Variants in ERICH3 observed in about 807,000 individuals in gnomAD.
ERICH3 encodes glutamate rich 3, also known as glutamate-rich protein 3.
Under a neutral mutation model 131.1 loss-of-function variants are expected in ERICH3, and 126 were observed. That is an observed-to-expected ratio of 0.96 (90% confidence interval 0.83 to 1.11). The LOEUF (loss-of-function observed/expected upper bound fraction) is 1.11, where lower values mean the gene tolerates loss of function less well. Ranked by LOEUF, ERICH3 falls within the 50% of genes most tolerant of loss-of-function variation. The probability of loss-of-function intolerance (pLI) is 0.00; values close to 1 mark genes in which losing one functional copy is unlikely to be tolerated. For missense variants in ERICH3, 2,050 were observed against 1,810.7 expected, an observed-to-expected ratio of 1.13 and a Z score of -2.40; for synonymous variants, 695 against 644.6, an observed-to-expected ratio of 1.08 and a Z score of -1.18.
At chr1:74,660,686 A>T (rs1207439985) in intron 1 of ERICH3, among the ~76,000 whole-genome samples, 1 of 148,684 alleles carries the variant, frequency 6.7e-6, no homozygotes, top group South Asian at 2.1e-4. Context: ...GTATATATAT[A>T]ATATATATAT....
Position 74,667,673 on chromosome 1 carries a change from G to A in ERICH3, c.23+5824C>T, listed in dbSNP as rs189941914. 1.8e-4 allele frequency among the ~76,000 whole-genome samples: 27 copies of A among 152,210 alleles called. 1 individual carries two copies. The East Asian group carries it at 4.6e-3, about 26-fold the overall frequency. On this transcript the variant is annotated intron_variant, in intron 1 of 14. Coordinates refer to ENST00000326665, the MANE Select transcript of ERICH3 (RefSeq NM_001002912.5). Reference sequence around the variant, plus strand: ...ATTTTCCCATCTCCCTAAAAACCTAGCATGGATTTATTAATAATCAAAATA... The same window carrying A: ...ATTTTCCCATCTCCCTAAAAACCTAACATGGATTTATTAATAATCAAAATA...
At chr1:74,667,928 G>A (rs77655852) in intron 1 of ERICH3, among the ~76,000 whole-genome samples, 11,821 of 152,126 alleles carry the variant, frequency 0.078, 1,588 homozygotes, top group African/African-American at 0.27. Context: ...CTGTTCTTGT[G>A]ACAGTGAGGG....
At chr1:74,609,812 A>G (rs1364465669) in intron 9 of ERICH3, among the ~76,000 whole-genome samples, 4 of 152,086 alleles carry the variant, frequency 2.6e-5, no homozygotes, top group African/African-American at 9.7e-5. Flanking sequence ...ATTCTTTAAT[A>G]TTGTAACCAT....
At chr1:74,616,179 A>T (rs1393748340) in intron 8 of ERICH3, among the ~76,000 whole-genome samples, 1 of 151,850 alleles carries the variant, frequency 6.6e-6, no homozygotes, top group Non-Finnish European at 1.5e-5. Context: ...ATATATATAC[A>T]CATATATATA....
chr1:74,657,734 G>A (rs1405363778), intron 1 of ERICH3, among the ~76,000 whole-genome samples: 2 of 152,116 alleles, frequency 1.3e-5, no homozygotes, highest in African/African-American at 4.8e-5. Context: ...ATGAGGCAAT[G>A]GGGAAGAAGT....
intron 8 of ERICH3, among the ~76,000 whole-genome samples, chr1:74,617,854 A>G (rs1056399322): frequency 1.3e-5 from 2 of 152,216 alleles, no homozygotes; most frequent in African/African-American, 4.8e-5. Context: ...TCACACCTCA[A>G]TAAAGCTATT....
chr1:74,641,505 C>T (rs200891184), intron 4 of ERICH3, 46 bp from the exon 5 acceptor site: 1 of 1,588,248 alleles, frequency 6.3e-7, no homozygotes, highest in South Asian at 1.1e-5. Flanking sequence ...AGTTAGTAAT[C>T]TAGGTTAGAT....
intron 1 of ERICH3, among the ~76,000 whole-genome samples, chr1:74,664,889 C>A (rs1646675041): frequency 1.3e-5 from 2 of 152,100 alleles, no homozygotes; most frequent in Admixed American, 1.3e-4. Context: ...TTATTTCTCC[C>A]CACTAAGTCT....
Position 74,631,854 on chromosome 1 carries a change from G to A in ERICH3, c.678C>T (p.Asn226=). The change falls in exon 7 of 15, where the codon AAC becomes AAT. Residue 226 remains asparagine (N), a synonymous_variant. Coordinates refer to ENST00000326665, the MANE Select transcript of ERICH3 (RefSeq NM_001002912.5). ...SQRMNSYQLP[N]INSYMMPIPP... is the part of the protein sequence containing the mutation. Reference sequence around the variant, plus strand: ...GAATAGGCATCATGTAACTGTTAATGTTTGGAAGTTGATATGAATTCATTC... The same window carrying A: ...GAATAGGCATCATGTAACTGTTAATATTTGGAAGTTGATATGAATTCATTC... 10 of 1,613,498 alleles carry A rather than the reference G, an allele frequency of 6.2e-6. No homozygotes were observed. Among genetic ancestry groups the A allele is most frequent in the Admixed American group, 1.7e-5 (1 of 59,950 alleles).
At chr1:74,573,534 C>A in intron 13 of ERICH3, 43 bp from the exon 14 acceptor site, 2 of 1,474,436 alleles carry the variant, frequency 1.4e-6, no homozygotes, top group Admixed American at 5.2e-5. Flanking sequence ...TTAATCCAAG[C>A]GAACAAGGGA....
In ERICH3 at chr1:74,573,538, C is replaced by T; in HGVS notation, c.2219-47G>A. 3.4e-6 allele frequency: 5 copies of T among 1,474,832 alleles called. No homozygotes were observed. The South Asian group carries it at 7.3e-5, about 22-fold the overall frequency. 91.4% of individuals were successfully genotyped at this position (1,474,832 alleles called of 1,614,324 possible). A position where few individuals can be genotyped will look rare whatever the true frequency, so the allele number is the denominator to read the frequency against. Reference sequence around the variant, plus strand: ...TCAAGATTACTTTAATCCAAGCGAACAAGGGAGGGGACACTATAATCTTAT... The same window carrying T: ...TCAAGATTACTTTAATCCAAGCGAATAAGGGAGGGGACACTATAATCTTAT... On this transcript the variant is annotated intron_variant, in intron 13 of 14. Coordinates refer to ENST00000326665, the MANE Select transcript of ERICH3 (RefSeq NM_001002912.5).
chr1:74,660,638 G>A (rs1235193673), intron 1 of ERICH3, among the ~76,000 whole-genome samples: 2 of 147,568 alleles, frequency 1.4e-5, no homozygotes, highest in African/African-American at 5.0e-5. Flanking sequence ...ATACACATGT[G>A]TATATATGTG....
Position 74,573,009 on chromosome 1 carries a change from T to A in ERICH3, c.2701A>T (p.Lys901Ter). The change falls in exon 14 of 15, where the codon AAG (lysine) becomes TAG (stop). Residue 901 changes from lysine to a stop codon, truncating the protein, a stop_gained. Transcript: ENST00000326665. LOFTEE classifies it high-confidence loss of function. ...GCTGCTTCATTTGCAAGCACTGCCT[T>A]CTCTAAACCCTGTTCCCCTTCAGAA... ...AASEGEQGLEKAVLANEAAAL... is the reference protein window; with the variant it reads ...AASEGEQGLE 6.2e-7 allele frequency: 1 copy of A among 1,614,120 alleles called. No individual in the cohort carries two copies. The highest frequency in any genetic ancestry group is 8.5e-7 in the Non-Finnish European group (1 of 1,180,034).
chr1:74,635,129 T>C (rs945548694), intron 6 of ERICH3, among the ~76,000 whole-genome samples: 1 of 152,114 alleles, frequency 6.6e-6, no homozygotes, highest in Non-Finnish European at 1.5e-5. Context: ...TCACAAGATG[T>C]GACTATTCCT....
chr1:74,648,446 C>T (rs1023744628), intron 2 of ERICH3, among the ~76,000 whole-genome samples: 1 of 152,074 alleles, frequency 6.6e-6, no homozygotes, highest in Non-Finnish European at 1.5e-5. Flanking sequence ...ATGGCAAGCT[C>T]GGTTTCAGCC....
intron 1 of ERICH3, among the ~76,000 whole-genome samples, chr1:74,673,212 G>T (rs1646757888): frequency 6.6e-6 from 1 of 152,166 alleles, no homozygotes; most frequent in Admixed American, 6.5e-5. Flanking sequence ...GAAGGTCCTT[G>T]CTTAATGTAT....
At chr1:74,673,252 C>T (rs1006534849) in intron 1 of ERICH3, among the ~76,000 whole-genome samples, 8 of 152,096 alleles carry the variant, frequency 5.3e-5, no homozygotes, top group Non-Finnish European at 1.2e-4. Context: ...TTTAATCCTT[C>T]CAGGGTGAAA....
chr1:74,641,602 T>A, intron 4 of ERICH3, 143 bp from the exon 5 acceptor site: 2 of 994,418 alleles, frequency 2.0e-6, no homozygotes, highest in Non-Finnish European at 1.5e-6. Flanking sequence ...GAGTTAGGTG[T>A]GGTGGTAAGG....
Position 74,581,628 on chromosome 1 carries a change from C to T in ERICH3, c.2177-4692G>A, listed in dbSNP as rs1161347563. Reference sequence around the variant, plus strand: ...TCATTTACTGTGGATTCAACAAATTCTGCTCTGTGCTGCTATAAAAAAGGC... The same window carrying T: ...TCATTTACTGTGGATTCAACAAATTTTGCTCTGTGCTGCTATAAAAAAGGC... On this transcript the variant is annotated intron_variant, in intron 12 of 14. Transcript: ENST00000326665. Among the ~76,000 whole-genome samples the T allele has an allele frequency of 2.0e-5, 3 of 152,088 alleles. No homozygotes were observed. In the South Asian group the frequency reaches 6.2e-4, roughly 32 times the overall value.
Sources: gnomAD v4.1 joint callset for allele counts (sites outside exome capture counted in the v4.1 genomes callset) on GRCh38, gnomAD v4.1.1 for gene constraint, MANE v1.5 for transcripts, NCBI Gene and HGNC (gene_info 2026-07-23, HGNC 2026-07-21) for gene names.